The following HIP1 variants were observed in gnomAD, a reference collection of about 807,000 sequenced individuals.
HIP1 encodes the protein huntingtin interacting protein 1.
Under a neutral mutation model 147.6 loss-of-function variants are expected in HIP1, and 65 were observed. The observed-to-expected ratio is 0.44, with a 90% confidence interval of 0.36 to 0.54. The LOEUF (loss-of-function observed/expected upper bound fraction) is 0.54, where lower values mean the gene tolerates loss of function less well. Ranked by LOEUF, HIP1 falls within the 20% of genes least tolerant of loss-of-function variation. HIP1 has a pLI of 0.00. For missense variants in HIP1, 1,061 were observed against 1,299.6 expected (o/e 0.82, Z 2.82); for synonymous variants, 479 against 504.0 (o/e 0.95, Z 0.67).
chr7:75,660,744 A>G (rs1198577774), intron 1 of HIP1, among the ~76,000 whole-genome samples: 1 of 152,042 alleles, frequency 6.6e-6, no homozygotes, highest in Non-Finnish European at 1.5e-5. Context: ...GCCCTGAGGA[A>G]TCCCTCTTGC....
At position 75,537,153 on chromosome 7, in the gene HIP1, C is replaced by G. The variant is rs1554488863; in HGVS notation, c.*1019G>C. On this transcript the variant is annotated 3_prime_UTR_variant, in exon 31 of 31. Coordinates refer to ENST00000336926, the MANE Select transcript of HIP1 (RefSeq NM_005338.7). ...AGTAGTGTTGTTGATCTCACCAGCT[C>G]CATTCAAGCATGTGATCAAGTTTTT... 8.6e-6 allele frequency: 2 copies of G among 232,722 alleles called. No individual in the cohort carries two copies. The highest frequency in any genetic ancestry group is 1.8e-4 in the South Asian group (1 of 5,510). 14.4% of individuals were successfully genotyped at this position (232,722 alleles called of 1,614,324 possible).
intron 1 of HIP1, among the ~76,000 whole-genome samples, chr7:75,698,161 C>A (rs575821356): frequency 6.6e-6 from 1 of 152,172 alleles, no homozygotes; most frequent in South Asian, 2.1e-4. Flanking sequence ...GTAAAGTATC[C>A]TCCCAAGTCA....
intron 4 of HIP1, among the ~76,000 whole-genome samples, chr7:75,588,481 G>A (rs1554499999): frequency 1.3e-5 from 2 of 152,126 alleles, no homozygotes; most frequent in Non-Finnish European, 2.9e-5. Flanking sequence ...ATAATAAATT[G>A]TAAAGGAGGA....
chr7:75,542,972 C>T lies in HIP1; in HGVS notation c.2769G>A (p.Val923=). Residue 923 remains valine (V), a splice_region_variant and synonymous_variant, in exon 28 of 31, where the codon GTG becomes GTA. Transcript: ENST00000336926. ...GGTTGGGGCTGTCCTTATCAGCTTT[C>T]ACCTACCAGGACAAAGCAGATTTAG... ...STAQLVAASK[V]KADKDSPNLA... The T allele has an allele frequency of 3.1e-6, 5 of 1,612,802 alleles. No individual in the cohort carries two copies. In the South Asian group the frequency reaches 4.4e-5, roughly 14 times the overall value.
intron 1 of HIP1, among the ~76,000 whole-genome samples, chr7:75,619,837 C>T (rs1203188883): frequency 6.6e-6 from 1 of 152,172 alleles, no homozygotes; most frequent in Non-Finnish European, 1.5e-5. Flanking sequence ...AATAGCTCTC[C>T]TCCCATGTCA....
intron 7 of HIP1, among the ~76,000 whole-genome samples, chr7:75,575,453 C>T (rs914185074): frequency 6.6e-6 from 1 of 152,122 alleles, no homozygotes; most frequent in African/African-American, 2.4e-5. Flanking sequence ...GAGTGAGACT[C>T]CATCTCAAAA....
intron 1 of HIP1, among the ~76,000 whole-genome samples, chr7:75,675,598 C>T (rs2525470): frequency 0.56 from 85,703 of 151,784 alleles, 24,648 homozygotes; most frequent in African/African-American, 0.65. Context: ...TCATCATCTC[C>T]CTCTCTCTTT....
At chr7:75,601,998 C>CT (rs782403734) in intron 1 of HIP1, among the ~76,000 whole-genome samples, 310 of 142,282 alleles carry the variant, frequency 2.2e-3, no homozygotes, top group East Asian at 2.8e-3. Flanking sequence ...GAAATAAAAA[C>CT]TTTTTTTTTT....
At chr7:75,723,563 G>A (rs950584696) in intron 1 of HIP1, among the ~76,000 whole-genome samples, 27 of 147,230 alleles carry the variant, frequency 1.8e-4, no homozygotes, top group Non-Finnish European at 9.2e-5. Flanking sequence ...TGCCAGGCCC[G>A]AGGTCCCCGT....
intron 1 of HIP1, among the ~76,000 whole-genome samples, chr7:75,674,674 G>A (rs972520498): frequency 2.0e-5 from 3 of 151,982 alleles, no homozygotes; most frequent in East Asian, 1.9e-4. Flanking sequence ...TGTATTTTTA[G>A]TACAGATGGG....
At position 75,554,167 on chromosome 7, in the gene HIP1, C is replaced by T. The variant is rs1230089512; in HGVS notation, c.2104G>A (p.Ala702Thr). 43 of 1,613,872 alleles carry T rather than the reference C, an allele frequency of 2.7e-5. No homozygotes were observed. Among genetic ancestry groups the T allele is most frequent in the Non-Finnish European group, 3.2e-5 (38 of 1,179,986 alleles). The change falls in exon 21 of 31, where the codon GCC becomes ACC. Residue 702 changes from alanine (A) to threonine (T), a missense_variant. By Grantham distance (58) the Ala-to-Thr change is moderately conservative. Coordinates refer to ENST00000336926, the MANE Select transcript of HIP1 (RefSeq NM_005338.7). ...ITLLAHLTSD[A>T]IAHGATTCLR... Reference sequence around the variant, plus strand: ...CAGGTGGTGGCACCATGAGCAATGGCGTCGCTGGTCAAGTGGGCCAGCAGG... The same window carrying T: ...CAGGTGGTGGCACCATGAGCAATGGTGTCGCTGGTCAAGTGGGCCAGCAGG...
rs1248530345 is a variant in HIP1 at position 75,737,479 on chromosome 7, G to C, written c.120+1322C>G. Among the ~76,000 whole-genome samples, 5 of 152,168 alleles carry C rather than the reference G, an allele frequency of 3.3e-5. No individual in the cohort carries two copies. In the East Asian group the frequency reaches 9.7e-4, roughly 29 times the overall value. On this transcript the variant is annotated intron_variant, in intron 1 of 30. Coordinates refer to ENST00000336926, the MANE Select transcript of HIP1 (RefSeq NM_005338.7). Reference sequence around the variant, plus strand: ...CTGGCCTCAGCCTCCCAAGTAGCTGGGATTACAAGCGTCTGCAACCACGCC... The same window carrying C: ...CTGGCCTCAGCCTCCCAAGTAGCTGCGATTACAAGCGTCTGCAACCACGCC...
intron 2 of HIP1, among the ~76,000 whole-genome samples, chr7:75,593,522 C>T (rs1554501183): frequency 6.7e-6 from 1 of 150,158 alleles, no homozygotes; most frequent in African/African-American, 2.5e-5. Context: ...CCCAGCTTCT[C>T]AGGAGGCTGA....
chr7:75,612,116 G>T (rs10242514), intron 1 of HIP1, among the ~76,000 whole-genome samples: 27 of 152,198 alleles, frequency 1.8e-4, no homozygotes, highest in African/African-American at 5.1e-4. Context: ...GAGCAGGCAC[G>T]GGGATGTGCC....
intron 7 of HIP1, among the ~76,000 whole-genome samples, chr7:75,577,398 T>C (rs1795885536): frequency 6.7e-6 from 1 of 150,366 alleles, no homozygotes; most frequent in African/African-American, 2.5e-5. Context: ...GTGAATAGAA[T>C]TCATTACATA....
intron 1 of HIP1, among the ~76,000 whole-genome samples, chr7:75,611,398 C>T (rs1038919289): frequency 5.5e-5 from 8 of 144,254 alleles, no homozygotes; most frequent in African/African-American, 1.6e-4. Flanking sequence ...ACTGGGGAGG[C>T]GGAGGCTGCA....
In HIP1 at chr7:75,556,250, CG is replaced by C; in HGVS notation, c.1684-82del. On this transcript the variant is annotated intron_variant, in intron 17 of 30. Transcript: ENST00000336926. Reference sequence around the variant, plus strand: ...ACTTCCCAGAGGTCCAACCCACCACCGGGTTGCAAGGACTGGGAAGGTGATG... The same window carrying C: ...ACTTCCCAGAGGTCCAACCCACCACCGGTTGCAAGGACTGGGAAGGTGATG... 2.0e-6 allele frequency: 3 copies of C among 1,512,578 alleles called. No homozygotes were observed. In the Middle Eastern group the frequency reaches 5.3e-4, roughly 265 times the overall value. 93.7% of individuals were successfully genotyped at this position (1,512,578 alleles called of 1,614,324 possible). A position where few individuals can be genotyped will look rare whatever the true frequency, so the allele number is the denominator to read the frequency against.
intron 1 of HIP1, among the ~76,000 whole-genome samples, chr7:75,650,728 C>T (rs1386972663): frequency 1.3e-5 from 2 of 152,188 alleles, no homozygotes; most frequent in African/African-American, 2.4e-5. Flanking sequence ...CCATACCCGG[C>T]TCTGCCCAGT....
intron 2 of HIP1, among the ~76,000 whole-genome samples, chr7:75,597,764 A>G (rs772105492): frequency 2.7e-4 from 32 of 120,714 alleles, no homozygotes; most frequent in Non-Finnish European, 4.9e-4. Context: ...AAAAGTCCCA[A>G]CTCTGCTTGC....
Sources: allele counts gnomAD v4.1 joint callset (sites outside exome capture counted in the v4.1 genomes callset), GRCh38; gene constraint gnomAD v4.1.1; transcripts MANE v1.5; gene names NCBI Gene and HGNC (gene_info 2026-07-23, HGNC 2026-07-21).